RSU1: variants seen among roughly 807,000 people sequenced by gnomAD.
RSU1 encodes rsu-1.
In RSU1, 26 loss-of-function variants were observed where a neutral mutation model predicts 31.1. That is an observed-to-expected ratio of 0.84 (90% CI 0.61 to 1.16). The LOEUF (loss-of-function observed/expected upper bound fraction) is 1.16, where lower values mean the gene tolerates loss of function less well. Ranked by LOEUF, RSU1 falls within the 50% of genes most tolerant of loss-of-function variation. The pLI is 0.00. For synonymous variants in RSU1, 164 were observed against 136.3 expected (o/e 1.20, Z -1.41); for missense variants, 320 against 339.1 (o/e 0.94, Z 0.44).
intron 7 of RSU1, among the ~76,000 whole-genome samples, chr10:16,737,141 G>A (rs540805837): frequency 8.6e-5 from 13 of 151,872 alleles, no homozygotes; most frequent in African/African-American, 2.9e-4. Context: ...TTCTAGGAGA[G>A]GAGAGAGAGA....
At chr10:16,764,621 G>C in intron 3 of RSU1, 111 bp from the exon 4 acceptor site, 1 of 1,175,864 alleles carries the variant, frequency 8.5e-7, no homozygotes. Context: ...AACTTCAAAA[G>C]GGCCATCGAA....
chr10:16,809,789 C>A (rs1035006364), intron 2 of RSU1, among the ~76,000 whole-genome samples: 1 of 151,822 alleles, frequency 6.6e-6, no homozygotes, highest in Non-Finnish European at 1.5e-5. Flanking sequence ...TTATCCATAC[C>A]AATTGTAGCA....
intron 2 of RSU1, among the ~76,000 whole-genome samples, chr10:16,804,715 G>A (rs1564364041): frequency 6.6e-6 from 1 of 152,216 alleles, no homozygotes; most frequent in Non-Finnish European, 1.5e-5. Context: ...TAGCCAATCT[G>A]TAGAGGCTAT....
chr10:16,729,077 T>A (rs926261676), intron 7 of RSU1, among the ~76,000 whole-genome samples: 1 of 152,228 alleles, frequency 6.6e-6, no homozygotes, highest in Non-Finnish European at 1.5e-5. Context: ...CGCGTATTTA[T>A]CTCCATTAGC....
At chr10:16,641,863 G>C (rs1834448851) in intron 8 of RSU1, among the ~76,000 whole-genome samples, 2 of 152,184 alleles carry the variant, frequency 1.3e-5, no homozygotes, top group Non-Finnish European at 2.9e-5. Flanking sequence ...CTCTGAGCAG[G>C]GTAAGGCATC....
At chr10:16,699,320 T>A (rs985409816) in intron 7 of RSU1, among the ~76,000 whole-genome samples, 23 of 152,224 alleles carry the variant, frequency 1.5e-4, no homozygotes, top group Non-Finnish European at 2.8e-4. Flanking sequence ...TGGGTTCTCT[T>A]GCCTCACTCT....
chr10:16,816,181 A>C (rs1330343631), intron 2 of RSU1, among the ~76,000 whole-genome samples: 1 of 152,232 alleles, frequency 6.6e-6, no homozygotes, highest in Admixed American at 6.5e-5. Context: ...ATAAAAATAT[A>C]GAATCTTGGT....
intron 2 of RSU1, among the ~76,000 whole-genome samples, chr10:16,811,694 T>C (rs192056830): frequency 6.7e-4 from 102 of 152,290 alleles, no homozygotes; most frequent in Non-Finnish European, 1.1e-3. Flanking sequence ...CAATCAAAAA[T>C]AGAAGTTGTC....
rs1281319530 is a variant in RSU1 at position 16,817,418 on chromosome 10, A to T, written c.-107T>A. The T allele has an allele frequency of 2.4e-5, 6 of 248,900 alleles. No homozygotes were observed. The highest frequency in any genetic ancestry group is 2.2e-4 in the South Asian group (4 of 18,256). The allele number at this position is 248,900 out of a possible 1,614,324, so 15.4% of individuals were successfully genotyped here. ...GCAACACCGGCACTGAACAGCGAAC[A>T]CGCCCTGTCTCGGCGCCCCGCGCAG... On this transcript the variant is annotated 5_prime_UTR_variant, in exon 1 of 9. Coordinates refer to ENST00000345264, the MANE Select transcript of RSU1 (RefSeq NM_012425.4).
intron 2 of RSU1, among the ~76,000 whole-genome samples, chr10:16,815,294 G>GA (rs761413283): frequency 3.3e-5 from 5 of 152,164 alleles, no homozygotes; most frequent in Admixed American, 1.3e-4. Flanking sequence ...TAAAGCCTAC[G>GA]AAACGCAAAT....
chr10:16,709,065 T>A (rs952989798), intron 7 of RSU1, among the ~76,000 whole-genome samples: 7 of 152,044 alleles, frequency 4.6e-5, no homozygotes, highest in Non-Finnish European at 7.4e-5. Context: ...TACATATGTA[T>A]ACATGTGCCA....
At position 16,610,635 on chromosome 10, in the gene RSU1, G is replaced by A. The variant is rs562288288; in HGVS notation, c.732-17139C>T. Among the ~76,000 whole-genome samples, 5 of 152,290 alleles carry A rather than the reference G, an allele frequency of 3.3e-5. No homozygotes were observed. In the South Asian group the frequency reaches 1.0e-3, roughly 32 times the overall value. On this transcript the variant is annotated intron_variant, in intron 8 of 8. Transcript: ENST00000345264. The stretch of plus-strand genomic sequence containing the variant: ...CCCAGATGGGACTGTCTAGTTGCAG[G>A]AAAATAAGCTCAGGGCTCCCACTGA...
At chr10:16,731,380 A>T (rs1836508464) in intron 7 of RSU1, among the ~76,000 whole-genome samples, 1 of 150,870 alleles carries the variant, frequency 6.6e-6, no homozygotes, top group Non-Finnish European at 1.5e-5. Flanking sequence ...CAGTGAGCCG[A>T]GATAGCACCA....
chr10:16,602,071 G>T (rs1445343588), intron 8 of RSU1, among the ~76,000 whole-genome samples: 2 of 152,118 alleles, frequency 1.3e-5, no homozygotes, highest in African/African-American at 4.8e-5. Flanking sequence ...TTGCTTATCT[G>T]TGTTATTACT....
chr10:16,731,639 C>G (rs1438749236), intron 7 of RSU1, among the ~76,000 whole-genome samples: 1 of 152,132 alleles, frequency 6.6e-6, no homozygotes, highest in African/African-American at 2.4e-5. Context: ...ATGTCTATTG[C>G]ACCAAACCTT....
chr10:16,781,621 C>T (rs1053330015), intron 3 of RSU1, among the ~76,000 whole-genome samples: 1 of 152,192 alleles, frequency 6.6e-6, no homozygotes. Context: ...ATAGCATTTA[C>T]TATCTCTGAA....
In RSU1 at chr10:16,805,956, G is replaced by T. The variant is rs190274727; in HGVS notation, c.109+11017C>A. Among the ~76,000 whole-genome samples, 432 of 152,270 alleles carry T rather than the reference G, an allele frequency of 2.8e-3. 2 individuals carry two copies. Among genetic ancestry groups the T allele is most frequent in the South Asian group, 0.01 (49 of 4,832 alleles). ...ATTGGAACTACCAGTATAAGCTCAG[G>T]AGGCTGGCAGTCTCAGGACTTAAAG... On this transcript the variant is annotated intron_variant, in intron 2 of 8. Transcript: ENST00000345264.
In RSU1 at chr10:16,791,710, G is replaced by T. The variant is rs537189284; in HGVS notation, c.110-9626C>A. ...AATCATTATGTCTAGATAACTCATG[G>T]AAGCAGGTATCAGTATTTGAAATAG... On this transcript the variant is annotated intron_variant, in intron 2 of 8. Transcript: ENST00000345264. Among the ~76,000 whole-genome samples the T allele has an allele frequency of 2.6e-5, 4 of 152,126 alleles. No homozygotes were observed. In the South Asian group the frequency reaches 6.2e-4, roughly 24 times the overall value.
chr10:16,628,450 T>A (rs961320784), intron 8 of RSU1, among the ~76,000 whole-genome samples: 1 of 152,094 alleles, frequency 6.6e-6, no homozygotes, highest in African/African-American at 2.4e-5. Flanking sequence ...TCTTTCGATA[T>A]AAATCTTAAA....
Sources: gnomAD v4.1 joint callset for allele counts (sites outside exome capture counted in the v4.1 genomes callset) on GRCh38, gnomAD v4.1.1 for gene constraint, MANE v1.5 for transcripts, NCBI Gene and HGNC (gene_info 2026-07-23, HGNC 2026-07-21) for gene names.